The following LSAMP variants were observed in gnomAD, a reference collection of about 807,000 sequenced individuals.
LSAMP encodes the protein limbic system associated membrane protein, also known as limbic system-associated membrane protein.
A neutral mutation model predicts 38.6 loss-of-function variants in LSAMP; 7 were observed. The observed-to-expected ratio is 0.18, with a 90% CI of 0.10 to 0.34. The LOEUF is 0.34. Among genes scored for constraint, LSAMP ranks in the 10% least tolerant of loss-of-function variants. LSAMP has a pLI of 1.00. For synonymous variants in LSAMP, 154 were observed against 166.8 expected, an observed-to-expected ratio of 0.92 and a Z score of 0.59; for missense variants, 313 against 420.0, an observed-to-expected ratio of 0.75 and a Z score of 2.23.
intron 1 of LSAMP, among the ~76,000 whole-genome samples, chr3:116,344,180 A>T (rs1479610952): frequency 6.6e-6 from 1 of 152,118 alleles, no homozygotes; most frequent in Non-Finnish European, 1.5e-5. Flanking sequence ...TGGATTGGCT[A>T]CAAGTTTTAG....
chr3:116,121,327 A>G (rs1708870629), intron 1 of LSAMP, among the ~76,000 whole-genome samples: 2 of 152,226 alleles, frequency 1.3e-5, no homozygotes, highest in Admixed American at 1.3e-4. Flanking sequence ...AAATACAACC[A>G]TGAACTTCAC....
intron 1 of LSAMP, among the ~76,000 whole-genome samples, chr3:116,296,152 C>T (rs907999389): frequency 1.3e-5 from 2 of 152,140 alleles, no homozygotes; most frequent in Non-Finnish European, 2.9e-5. Context: ...TAGCTAATTC[C>T]GTCCCAGTCT....
chr3:115,962,461 AACGAAGAT>A (rs1369698481), intron 3 of LSAMP, among the ~76,000 whole-genome samples: 2 of 152,198 alleles, frequency 1.3e-5, no homozygotes, highest in Admixed American at 1.3e-4. Context: ...GACCTTGGAG[AACGAAGAT>A]CCAGGTGTGA....
At chr3:116,090,051 T>TA (rs11425708) in intron 1 of LSAMP, among the ~76,000 whole-genome samples, 18,389 of 150,648 alleles carry the variant, frequency 0.12, 1,362 homozygotes, top group Non-Finnish European at 0.17. Flanking sequence ...AAAGTACACA[T>TA]GAAAAAAAAT....
In LSAMP at chr3:116,086,384, T is replaced by C. The variant is rs1198054204; in HGVS notation, c.328A>G (p.Thr110Ala). The change falls in exon 2 of 7, where the codon ACT (threonine) becomes GCT (alanine). Residue 110 changes from threonine (T) to alanine (A), a missense_variant. Transcript: ENST00000490035. ...KVDVYDEGSY[T>A]CSVQTQHEPK... Reference sequence around the variant, plus strand: ...TCATGCTGTGTCTGAACTGAGCAAGTGTAGGAACCCTCATCATAGACATCC... The same window carrying C: ...TCATGCTGTGTCTGAACTGAGCAAGCGTAGGAACCCTCATCATAGACATCC... 1.1e-5 allele frequency: 17 copies of C among 1,614,164 alleles called. No homozygotes were observed. The highest frequency in any genetic ancestry group is 1.3e-5 in the African/African-American group (1 of 75,044).
intron 1 of LSAMP, among the ~76,000 whole-genome samples, chr3:116,254,880 T>C (rs1021588009): frequency 6.6e-6 from 1 of 152,202 alleles, no homozygotes; most frequent in African/African-American, 2.4e-5. Context: ...GTGCAATCTC[T>C]CAGAATTATT....
chr3:116,228,055 TTAG>T (rs2046361969), intron 1 of LSAMP, among the ~76,000 whole-genome samples: 1 of 152,122 alleles, frequency 6.6e-6, no homozygotes, highest in Non-Finnish European at 1.5e-5. Context: ...TGTGAAATTA[TTAG>T]TAGACTTTGC....
intron 3 of LSAMP, among the ~76,000 whole-genome samples, chr3:115,858,544 G>T (rs771076092): frequency 6.6e-6 from 1 of 152,004 alleles, no homozygotes; most frequent in Non-Finnish European, 1.5e-5. Flanking sequence ...ATAGCATCTC[G>T]GTAGATCAAT....
At chr3:115,823,223 G>A (rs1314650083) in intron 6 of LSAMP, among the ~76,000 whole-genome samples, 1 of 152,216 alleles carries the variant, frequency 6.6e-6, no homozygotes, top group African/African-American at 2.4e-5. Context: ...GGGGATCCTG[G>A]AGGTGCATGA....
chr3:116,265,316 G>T (rs977350110), intron 1 of LSAMP, among the ~76,000 whole-genome samples: 14 of 152,184 alleles, frequency 9.2e-5, no homozygotes, highest in African/African-American at 3.4e-4. Context: ...TTTGAAGTAG[G>T]TATGGTTTGT....
chr3:115,831,097 G>C (rs1343588772), intron 6 of LSAMP, among the ~76,000 whole-genome samples: 1 of 152,190 alleles, frequency 6.6e-6, no homozygotes, highest in Admixed American at 6.5e-5. Context: ...ACCCAGCCAT[G>C]TGCAATGCAT....
At chr3:116,050,011 C>T (rs1941364219) in intron 2 of LSAMP, among the ~76,000 whole-genome samples, 1 of 152,170 alleles carries the variant, frequency 6.6e-6, no homozygotes, top group Non-Finnish European at 1.5e-5. Context: ...CCTGATGTCC[C>T]CTGCTCTGTG....
Position 116,424,956 on chromosome 3 carries a change from A to C in LSAMP, c.155+19921T>G, listed in dbSNP as rs944734394. On this transcript the variant is annotated intron_variant, in intron 1 of 6. Transcript: ENST00000490035. ...AAAGGAGGTATCTGCATTACTCTTA[A>C]AAATGCCATCTCCAAGAGGCCAACT... Among the ~76,000 whole-genome samples, 10 of 152,070 alleles carry C rather than the reference A, an allele frequency of 6.6e-5. No individual in the cohort carries two copies. In the South Asian group the frequency reaches 1.5e-3, roughly 22 times the overall value.
intron 1 of LSAMP, among the ~76,000 whole-genome samples, chr3:116,096,071 C>T (rs1452111434): frequency 6.6e-6 from 1 of 152,104 alleles, no homozygotes; most frequent in African/African-American, 2.4e-5. Context: ...ATAGTATCTA[C>T]CTTGTTTGGC....
intron 1 of LSAMP, among the ~76,000 whole-genome samples, chr3:116,366,509 C>T (rs2048355937): frequency 6.6e-6 from 1 of 152,126 alleles, no homozygotes; most frequent in Non-Finnish European, 1.5e-5. Flanking sequence ...TTGTGCCACT[C>T]AGGGTCACTC....
chr3:116,206,704 C>T (rs1261925720), intron 1 of LSAMP, among the ~76,000 whole-genome samples: 15 of 151,478 alleles, frequency 9.9e-5, no homozygotes, highest in East Asian at 3.9e-4. Flanking sequence ...TTCCATGTAG[C>T]TGAGCAGTTT....
intron 1 of LSAMP, among the ~76,000 whole-genome samples, chr3:116,207,300 C>G (rs534211336): frequency 3.3e-5 from 5 of 152,278 alleles, no homozygotes; most frequent in African/African-American, 1.2e-4. Flanking sequence ...ATGTGTGTCT[C>G]TGCACATGAG....
intron 1 of LSAMP, among the ~76,000 whole-genome samples, chr3:116,290,051 G>A (rs2047244117): frequency 6.6e-6 from 1 of 152,072 alleles, no homozygotes; most frequent in Non-Finnish European, 1.5e-5. Context: ...TGGCTACTCT[G>A]ATTGATTAGT....
chr3:115,883,768 G>GA (rs1183594303), intron 3 of LSAMP, among the ~76,000 whole-genome samples: 1 of 151,858 alleles, frequency 6.6e-6, no homozygotes, highest in Non-Finnish European at 1.5e-5. Context: ...TATACCATAG[G>GA]AAAAAATGGA....
Sources: gnomAD v4.1 joint callset for allele counts (sites outside exome capture counted in the v4.1 genomes callset) on GRCh38, gnomAD v4.1.1 for gene constraint, MANE v1.5 for transcripts, NCBI Gene and HGNC (gene_info 2026-07-23, HGNC 2026-07-21) for gene names.